BCOR: variants seen among roughly 807,000 people sequenced by gnomAD.
BCOR encodes the protein BCL6 corepressor.
A neutral mutation model predicts 86.7 loss-of-function variants in BCOR; 10 were observed. The observed-to-expected ratio is 0.12, with a 90% CI of 0.07 to 0.20. The LOEUF is 0.20. BCOR is among the 10% of genes least tolerant of loss of function. The pLI is 1.00. For synonymous variants in BCOR, 611 were observed against 609.0 expected (o/e 1.00, Z -0.05); for missense variants, 1,259 against 1,452.1 (o/e 0.87, Z 2.16).
chrX:40,173,516 A>G (rs1459181745), intron 1 of BCOR, among the ~76,000 whole-genome samples: 1 of 112,183 alleles, frequency 8.9e-6, no homozygotes, highest in Non-Finnish European at 1.9e-5. Context: ...GGCAGGGTGG[A>G]AAGGGCACTA....
chrX:40,161,312 T>C (rs906138099), intron 1 of BCOR, among the ~76,000 whole-genome samples: 1 of 107,845 alleles, frequency 9.3e-6, no homozygotes, highest in African/African-American at 3.4e-5. Context: ...GTTCAAGCGA[T>C]TCTCCTGCCT....
chrX:40,119,534 G>A (rs1937451750), intron 1 of BCOR, among the ~76,000 whole-genome samples: 1 of 111,030 alleles, frequency 9.0e-6, no homozygotes, highest in Admixed American at 9.6e-5. Flanking sequence ...TAAGCTGGGT[G>A]TGGTGGGCGT....
At chrX:40,164,364 T>C (rs921436182) in intron 1 of BCOR, among the ~76,000 whole-genome samples, 3 of 112,935 alleles carry the variant, frequency 2.7e-5, no homozygotes, top group African/African-American at 9.7e-5. Flanking sequence ...ATCAATTTCA[T>C]AACTTATTGC....
chrX:40,123,159 GCTAGGTGAATTCCCCTT>G (rs1331431582), intron 1 of BCOR, among the ~76,000 whole-genome samples: 1 of 110,996 alleles, frequency 9.0e-6, no homozygotes, highest in Admixed American at 9.6e-5. Flanking sequence ...TCCTTAACCT[GCTAGGTGAATTCCCCTT>G]CTAAATGCAA....
At chrX:40,067,056 C>G (rs1357119044) in intron 6 of BCOR, among the ~76,000 whole-genome samples, 1 of 110,971 alleles carries the variant, frequency 9.0e-6, no homozygotes, top group Non-Finnish European at 1.9e-5. Flanking sequence ...TCAACCAAGT[C>G]TAAGGCATCT....
chrX:40,131,641 C>CT (rs1937602928), intron 1 of BCOR, among the ~76,000 whole-genome samples: 1 of 107,185 alleles, frequency 9.3e-6, no homozygotes, highest in Non-Finnish European at 1.9e-5. Flanking sequence ...GAGCGAAACT[C>CT]TGTCAGTAAA....
At chrX:40,168,580 C>T (rs1268337325) in intron 1 of BCOR, among the ~76,000 whole-genome samples, 1 of 112,505 alleles carries the variant, frequency 8.9e-6, no homozygotes, top group Non-Finnish European at 1.9e-5. Context: ...CTCGAGGCCT[C>T]GGGGGTGCTC....
intron 1 of BCOR, among the ~76,000 whole-genome samples, chrX:40,157,733 G>A (rs1938327022): frequency 1.8e-5 from 2 of 111,884 alleles, no homozygotes; most frequent in African/African-American, 6.5e-5. Flanking sequence ...TGAGCCCAGC[G>A]GGAGATCACT....
chrX:40,128,492 G>A (rs1480461375), intron 1 of BCOR, among the ~76,000 whole-genome samples: 1 of 111,358 alleles, frequency 9.0e-6, no homozygotes, highest in Non-Finnish European at 1.9e-5. Context: ...GTTGCAGTGA[G>A]CCCAGATCAC....
chrX:40,060,631 T>C (rs1934821300), intron 10 of BCOR, among the ~76,000 whole-genome samples: 1 of 112,024 alleles, frequency 8.9e-6, no homozygotes, highest in African/African-American at 3.2e-5. Flanking sequence ...TTCCCAATCA[T>C]GCGTAGGAAT....
At chrX:40,094,784 G>A (rs923565306) in intron 1 of BCOR, among the ~76,000 whole-genome samples, 1 of 113,146 alleles carries the variant, frequency 8.8e-6, no homozygotes, top group Non-Finnish European at 1.9e-5. Context: ...CCTCGCTACC[G>A]GCCCCTCCCC....
chrX:40,074,162 T>C lies in BCOR; in HGVS notation c.1184A>G (p.Lys395Arg), dbSNP rs1935649496. The C allele has an allele frequency of 8.3e-7, 1 of 1,211,115 alleles. No homozygotes were observed. The highest frequency in any genetic ancestry group is 1.7e-5 in the African/African-American group (1 of 57,551). ...AARLSNGKYPKAPEGGEGAQP... is the reference protein window; with the variant it reads ...AARLSNGKYPRAPEGGEGAQP... ...GGCACCTTCGCCCCCTTCCGGAGCC[T>C]TGGGATACTTGCCATTGGAGAGCCT... Residue 395 changes from lysine (K) to arginine (R), a missense_variant, in exon 4 of 15, where the codon AAG (lysine) becomes AGG (arginine). Lys to Arg is a conservative substitution (Grantham distance 26). Transcript: ENST00000378444.
upstream of BCOR, among the ~76,000 whole-genome samples, chrX:40,099,615 A>G (rs1937033373): frequency 8.9e-6 from 1 of 112,400 alleles, no homozygotes; most frequent in Non-Finnish European, 1.9e-5. Flanking sequence ...TACTAAGTCA[A>G]GGTCAAGGCC....
At chrX:40,172,028 G>A (rs747323108) in intron 1 of BCOR, among the ~76,000 whole-genome samples, 8 of 112,912 alleles carry the variant, frequency 7.1e-5, no homozygotes, top group African/African-American at 2.6e-4. Flanking sequence ...GGGTTGGCGA[G>A]GGCAGCTGGG....
rs1394435368 is a variant in BCOR, at chrX:40,073,051, G to A, written c.2295C>T (p.Ser765=). The A allele has an allele frequency of 2.8e-5, 34 of 1,210,501 alleles. No homozygotes were observed. The highest frequency in any genetic ancestry group is 3.5e-5 in the Non-Finnish European group (31 of 895,331). The part of the protein sequence containing the change: ...YEDPTLRNRF[S]EILETSSTKL... ...TGGTGCTGCTAGTTTCCAAAATCTC[G>A]GAAAACCGATTCCGGAGGGTTGGGT... The change falls in exon 4 of 15, where the codon TCC becomes TCT. Residue 765 remains serine, a synonymous_variant. Coordinates refer to ENST00000378444, the MANE Select transcript of BCOR (RefSeq NM_001123385.2).
chrX:40,071,922 T>C, intron 4 of BCOR: 1 of 397,162 alleles, frequency 2.5e-6, no homozygotes, highest in Non-Finnish European at 4.4e-6. Flanking sequence ...TTTTCCTTTC[T>C]TTTTGGTGAA....
At chrX:40,084,896 G>A (rs778275024) in intron 1 of BCOR, among the ~76,000 whole-genome samples, 1 of 112,472 alleles carries the variant, frequency 8.9e-6, no homozygotes, top group Admixed American at 9.3e-5. Flanking sequence ...CAGAAAGGCT[G>A]GGATGAGGGT....
intron 1 of BCOR, among the ~76,000 whole-genome samples, chrX:40,138,674 C>A (rs1937742079): frequency 9.0e-6 from 1 of 110,657 alleles, no homozygotes; most frequent in African/African-American, 3.3e-5. Context: ...CCTGCCTCAG[C>A]CTCCCGAGTA....
At chrX:40,106,463 G>A (rs1369266012) in intron 1 of BCOR, among the ~76,000 whole-genome samples, 1 of 111,534 alleles carries the variant, frequency 9.0e-6, no homozygotes, top group Non-Finnish European at 1.9e-5. Flanking sequence ...GGAGGCAGGC[G>A]GGAGCCGGCG....
Sources: allele counts gnomAD v4.1 joint callset (sites outside exome capture counted in the v4.1 genomes callset), GRCh38; gene constraint gnomAD v4.1.1; transcripts MANE v1.5; gene names NCBI Gene and HGNC (gene_info 2026-07-23, HGNC 2026-07-21).